COPS4: variants seen among roughly 807,000 people sequenced by gnomAD.
COPS4 encodes the protein COP9 signalosome subunit 4, also known as COP9 signalosome complex subunit 4.
COPS4 carries 8 observed loss-of-function variants against 55.1 expected under a neutral mutation model. The observed-to-expected ratio is 0.15, with a 90% CI of 0.09 to 0.26. COPS4 has a LOEUF of 0.26. Ranked by LOEUF, COPS4 falls within the 10% of genes least tolerant of loss-of-function variation. The probability of loss-of-function intolerance (pLI) is 1.00; values close to 1 mark genes in which losing one functional copy is unlikely to be tolerated. For synonymous variants in COPS4, 185 were observed against 165.7 expected, an observed-to-expected ratio of 1.12 and a Z score of -0.90; for missense variants, 248 against 484.0, an observed-to-expected ratio of 0.51 and a Z score of 4.58.
chr4:83,045,677 A>G lies in COPS4; in HGVS notation c.126A>G (p.Leu42=), dbSNP rs902253409. Residue 42 remains leucine (L), a synonymous_variant, in exon 2 of 10, where the codon CTA becomes CTG. Transcript: ENST00000264389. ...TTCAGTTATCTGGAGCAGAACAACT[A>G]GAAGCTTTGAAAGCTTTTGTGGAAG... The part of the protein sequence containing the change: ...KAIQLSGAEQ[L]EALKAFVEAM... 4.3e-6 allele frequency: 7 copies of G among 1,613,070 alleles called. No individual in the cohort carries two copies. Among genetic ancestry groups the G allele is most frequent in the South Asian group, 1.1e-5 (1 of 91,012 alleles).
At chr4:83,039,051 T>G (rs1020964759) in intron 1 of COPS4, among the ~76,000 whole-genome samples, 2 of 152,214 alleles carry the variant, frequency 1.3e-5, no homozygotes. Context: ...TGCTGTGAAA[T>G]AAACCCCAAA....
At chr4:83,049,006 G>T (rs558562537) in intron 2 of COPS4, among the ~76,000 whole-genome samples, 160 bp from the exon 3 acceptor site, 1 of 152,254 alleles carries the variant, frequency 6.6e-6, no homozygotes, top group African/African-American at 2.4e-5. Context: ...GAAAACTGAT[G>T]ATGTAATATA....
At chr4:83,061,883 C>T (rs1466704378) in intron 6 of COPS4, among the ~76,000 whole-genome samples, 1 of 152,186 alleles carries the variant, frequency 6.6e-6, no homozygotes, top group African/African-American at 2.4e-5. Context: ...GAATACTTCC[C>T]TGCGAATTAG....
intron 9 of COPS4, among the ~76,000 whole-genome samples, chr4:83,069,098 A>G (rs1401546521): frequency 1.3e-5 from 2 of 152,178 alleles, no homozygotes; most frequent in African/African-American, 2.4e-5. Context: ...TTGACCACAT[A>G]CCATGTATCA....
chr4:83,061,049 A>T (rs1175599014), intron 6 of COPS4, among the ~76,000 whole-genome samples: 1 of 149,766 alleles, frequency 6.7e-6, no homozygotes, highest in Non-Finnish European at 1.5e-5. Flanking sequence ...AAAAAATAAT[A>T]ATAATAATAA....
intron 1 of COPS4, among the ~76,000 whole-genome samples, chr4:83,037,811 AGTT>A (rs1394064959): frequency 6.6e-6 from 1 of 152,198 alleles, no homozygotes; most frequent in Non-Finnish European, 1.5e-5. Context: ...CTGTAACAGT[AGTT>A]GTTCAATAAA....
intron 8 of COPS4, among the ~76,000 whole-genome samples, 162 bp downstream of exon 8, chr4:83,066,715 C>G (rs960734480): frequency 6.6e-6 from 1 of 152,164 alleles, no homozygotes; most frequent in Admixed American, 6.5e-5. Context: ...CAAGTAAATA[C>G]ATTCTTTAGA....
intron 6 of COPS4, among the ~76,000 whole-genome samples, chr4:83,060,919 A>C (rs539025828): frequency 1.3e-5 from 2 of 151,620 alleles, no homozygotes; most frequent in Non-Finnish European, 2.9e-5. Context: ...CTGTAATCCT[A>C]GCTACTTGGG....
intron 4 of COPS4, among the ~76,000 whole-genome samples, chr4:83,054,130 C>A (rs1313073340): frequency 6.6e-6 from 1 of 152,118 alleles, no homozygotes; most frequent in Non-Finnish European, 1.5e-5. Context: ...ATCACAAGGT[C>A]AGGAGATCAA....
intron 6 of COPS4, among the ~76,000 whole-genome samples, chr4:83,060,988 C>T (rs11724503): frequency 1.3e-5 from 2 of 150,364 alleles, no homozygotes; most frequent in African/African-American, 4.9e-5. Context: ...GAGCTGAGAT[C>T]GCGCCATTGC....
rs5859858 is a variant in COPS4 at position 83,068,418 on chromosome 4, G to GTT, written c.1003-12_1003-11dup. Reference sequence around the variant, plus strand: ...AAAAGATATGATAAAGTTTCTGAGAGTTTTTTTTTCCCCCAATAGGCGGAA... The same window carrying GTT: ...AAAAGATATGATAAAGTTTCTGAGAGTTTTTTTTTTTCCCCCAATAGGCGGAA... On this transcript the variant is annotated intron_variant, in intron 8 of 9. Transcript: ENST00000264389. 1.8e-3 allele frequency: 2,703 copies of GTT among 1,491,676 alleles called. No homozygotes were observed. Among genetic ancestry groups the GTT allele is most frequent in the East Asian group, 3.9e-3 (163 of 41,900 alleles). 92.4% of individuals were successfully genotyped at this position (1,491,676 alleles called of 1,614,324 possible).
Position 83,063,142 on chromosome 4 carries a change from A to G in COPS4, c.782A>G (p.Tyr261Cys), listed in dbSNP as rs1175510771. 1.2e-6 allele frequency: 2 copies of G among 1,610,438 alleles called. No homozygotes were observed. The highest frequency in any genetic ancestry group is 1.7e-6 in the Non-Finnish European group (2 of 1,178,730). The change falls in exon 7 of 10, where the codon TAT (tyrosine) becomes TGT (cysteine). Residue 261 changes from tyrosine to cysteine, a missense_variant. Tyr to Cys is a radical substitution (Grantham distance 194). Around this residue, in one of 4 missense-constraint regions of COPS4, gnomAD observed 155 missense variants for 326.6 expected, o/e 0.47. Coordinates refer to ENST00000264389, the MANE Select transcript of COPS4 (RefSeq NM_016129.3). The stretch of plus-strand genomic sequence containing the variant: ...GAAAGGTGCCAGCAACTTGCTGCCT[A>G]TGGGATCCTAGAGAAAATGTATCTA... ...KDERCQQLAA[Y>C]GILEKMYLDR... is the part of the protein sequence containing the mutation.
Position 83,075,592 on chromosome 4 carries a change from A to G in COPS4, c.*162A>G, listed in dbSNP as rs920006209. 9 of 689,498 alleles carry G rather than the reference A, an allele frequency of 1.3e-5. No individual in the cohort carries two copies. The highest frequency in any genetic ancestry group is 2.0e-5 in the Non-Finnish European group (9 of 444,424). 42.7% of individuals were successfully genotyped at this position (689,498 alleles called of 1,614,324 possible). On this transcript the variant is annotated 3_prime_UTR_variant, in exon 10 of 10. Coordinates refer to ENST00000264389, the MANE Select transcript of COPS4 (RefSeq NM_016129.3). ...ATTAGAGCAGGAAGTACAAGCATTT[A>G]AAATATGTAGTTCCCATATATTTCA...
rs566237606 is a variant in COPS4 at position 83,047,382 on chromosome 4, C to T, written c.154+1677C>T. Among the ~76,000 whole-genome samples the T allele has an allele frequency of 2.0e-3, 306 of 152,000 alleles. 2 individuals are homozygous for T. The highest frequency in any genetic ancestry group is 0.01 in the Middle Eastern group (3 of 294). On this transcript the variant is annotated intron_variant, in intron 2 of 9. Transcript: ENST00000264389. Reference sequence around the variant, plus strand: ...CAGCCTGGGCAATGTGGAGAAATCTCGTCTCTACAAAAAAATACGAAAATT... The same window carrying T: ...CAGCCTGGGCAATGTGGAGAAATCTTGTCTCTACAAAAAAATACGAAAATT...
intron 8 of COPS4, among the ~76,000 whole-genome samples, chr4:83,066,848 C>T (rs1293636242): frequency 6.6e-6 from 1 of 152,122 alleles, no homozygotes; most frequent in East Asian, 1.9e-4. Context: ...TTATGACACC[C>T]ATTTTCTGAG....
chr4:83,060,055 T>C (rs545380640), intron 6 of COPS4, among the ~76,000 whole-genome samples: 30 of 152,214 alleles, frequency 2.0e-4, no homozygotes, highest in African/African-American at 6.0e-4. Flanking sequence ...TAATAGGTTG[T>C]TTTAGTTAAA....
rs920768989 is a variant in COPS4, at chr4:83,054,995, G to T, written c.411-1931G>T. ...AGCAAGCAATGTAAATTTGAATTGTGAATGGAAAAAAGTACAGAATATTAA... is the reference window on the plus strand; with the variant it reads ...AGCAAGCAATGTAAATTTGAATTGTTAATGGAAAAAAGTACAGAATATTAA... On this transcript the variant is annotated intron_variant, in intron 4 of 9. Coordinates refer to ENST00000264389, the MANE Select transcript of COPS4 (RefSeq NM_016129.3). Among the ~76,000 whole-genome samples the T allele has an allele frequency of 2.0e-5, 3 of 152,178 alleles. No homozygotes were observed. In the South Asian group the frequency reaches 6.2e-4, roughly 32 times the overall value.
At position 83,035,309 on chromosome 4, in the gene COPS4, C is replaced by T; in HGVS notation, c.74+11C>T. 6.5e-7 allele frequency: 1 copy of T among 1,541,394 alleles called. No homozygotes were observed. On this transcript the variant is annotated intron_variant, in intron 1 of 9. Coordinates refer to ENST00000264389, the MANE Select transcript of COPS4 (RefSeq NM_016129.3). ...AGATCTGGCTGGCAAGTGAGTATTT[C>T]CCAGGAACGCGGGAGTACAGAGGTG...
chr4:83,047,591 C>T (rs1228230234), intron 2 of COPS4, among the ~76,000 whole-genome samples: 1 of 151,896 alleles, frequency 6.6e-6, no homozygotes, highest in Non-Finnish European at 1.5e-5. Flanking sequence ...ATTTTTTGAT[C>T]TTTGTATAAG....
Sources: gnomAD v4.1 joint callset for allele counts (sites outside exome capture counted in the v4.1 genomes callset) on GRCh38, gnomAD v4.1.1 for gene constraint, gnomAD v4.1.1 regional missense constraint, MANE v1.5 for transcripts, NCBI Gene and HGNC (gene_info 2026-07-23, HGNC 2026-07-21) for gene names.